Variants in USP1 observed in about 807,000 individuals in gnomAD.
The protein encoded by USP1 is ubiquitin carboxyl-terminal hydrolase 1.
A neutral mutation model predicts 72.2 loss-of-function variants in USP1; 18 were observed. The observed-to-expected ratio is 0.25, with a 90% CI of 0.17 to 0.37. The LOEUF (loss-of-function observed/expected upper bound fraction) is 0.37, where lower values mean the gene tolerates loss of function less well. USP1 is among the 10% of genes least tolerant of loss of function. USP1 has a pLI of 1.00. For synonymous variants in USP1, 354 were observed against 303.7 expected (o/e 1.17, Z -1.72); for missense variants, 759 against 884.9 (o/e 0.86, Z 1.81).
intron 5 of USP1, 79 bp from the exon 6 acceptor site, chr1:62,444,659 C>G (rs1645157340): frequency 5.4e-6 from 6 of 1,107,154 alleles, no homozygotes; most frequent in South Asian, 5.7e-5. Context: ...ATTTTCCTTA[C>G]ATGAATTAAT....
chr1:62,450,655 T>A lies in USP1; in HGVS notation c.2032T>A (p.Tyr678Asn), dbSNP rs768134813. Reference sequence around the variant, plus strand: ...TGGAGGACAAAAGAGCAAAGCAGATTATGAGCTATACAACAAAGCCTCTAA... The same window carrying A: ...TGGAGGACAAAAGAGCAAAGCAGATAATGAGCTATACAACAAAGCCTCTAA... ...LLGGQKSKADYELYNKASNPD... is the reference protein window; with the variant it reads ...LLGGQKSKADNELYNKASNPD... The change falls in exon 9 of 9, where the codon TAT becomes AAT. Residue 678 changes from tyrosine (Y) to asparagine (N), a missense_variant. Transcript: ENST00000339950. The A allele has an allele frequency of 6.5e-5, 105 of 1,613,970 alleles. No homozygotes were observed. Among genetic ancestry groups the A allele is most frequent in the South Asian group, 2.2e-5 (2 of 91,084 alleles).
chr1:62,449,123 A>G (rs918111783), intron 8 of USP1, among the ~76,000 whole-genome samples: 4 of 152,130 alleles, frequency 2.6e-5, no homozygotes, highest in Admixed American at 1.3e-4. Flanking sequence ...GACTCAAGCA[A>G]TCCACCTGCC....
At chr1:62,448,022 G>A (rs12746124) in intron 7 of USP1, among the ~76,000 whole-genome samples, 30,114 of 152,028 alleles carry the variant, frequency 0.2, 3,455 homozygotes, top group Non-Finnish European at 0.26. Context: ...TCCTGACCTC[G>A]TGATCCGCCC....
intron 8 of USP1, among the ~76,000 whole-genome samples, chr1:62,449,880 T>C (rs570320584): frequency 5.3e-4 from 81 of 151,514 alleles, no homozygotes; most frequent in Admixed American, 4.9e-3. Flanking sequence ...ACCACTGCAG[T>C]CAGCCTGGGT....
In USP1 at chr1:62,441,504, G is replaced by A. The variant is rs1182168994; in HGVS notation, c.187G>A (p.Ala63Thr). ...ATTTCATAGTGATCAAGTTGTTCCT[G>A]CAGCACAGTCTTCACCTATAAACTG... ...RASEIDQVVP[A>T]AQSSPINCEK... is the part of the protein sequence containing the mutation. Residue 63 changes from alanine to threonine, a missense_variant, in exon 3 of 9, where the codon GCA (alanine) becomes ACA (threonine). By Grantham distance (58) the Ala-to-Thr change is moderately conservative. Coordinates refer to ENST00000339950, the MANE Select transcript of USP1 (RefSeq NM_003368.5). The A allele has an allele frequency of 1.2e-6, 2 of 1,609,526 alleles. No individual in the cohort carries two copies. The highest frequency in any genetic ancestry group is 1.7e-6 in the Non-Finnish European group (2 of 1,178,684).
chr1:62,448,582 C>G lies in USP1; in HGVS notation c.1538C>G (p.Thr513Ser). The change falls in exon 8 of 9, where the codon ACT becomes AGT. Residue 513 changes from threonine (T) to serine (S), a missense_variant. This residue lies in a region of USP1 where 140 missense variants were observed against 222.8 expected (regional missense o/e 0.63). Coordinates refer to ENST00000339950, the MANE Select transcript of USP1 (RefSeq NM_003368.5). ...KYFCENCHHYTEAERSLLFDK... is the reference protein window; with the variant it reads ...KYFCENCHHYSEAERSLLFDK... ...TTCTGTGAAAACTGCCATCATTATA[C>G]TGAAGCTGAACGAAGTCTTTTGTTT... The G allele has an allele frequency of 6.2e-7, 1 of 1,613,906 alleles. No individual in the cohort carries two copies. The highest frequency in any genetic ancestry group is 8.5e-7 in the Non-Finnish European group (1 of 1,179,936).
rs1645163232 is a variant in USP1, at chr1:62,445,257, A to G, written c.1077A>G (p.Gly359=). 1 of 1,612,846 alleles carries G rather than the reference A, an allele frequency of 6.2e-7. No individual in the cohort carries two copies. Among genetic ancestry groups the G allele is most frequent in the Non-Finnish European group, 8.5e-7 (1 of 1,179,672 alleles). The part of the protein sequence containing the change: ...PSILSKFCSL[G]KITTNQGVKG... ...TTCTTTCTAAATTTTGTAGTCTGGG[A>G]AAAATAACAACAAACCAAGGAGTCA... Residue 359 remains glycine (G), a synonymous_variant, in exon 6 of 9, where the codon GGA becomes GGG. Coordinates refer to ENST00000339950, the MANE Select transcript of USP1 (RefSeq NM_003368.5).
chr1:62,450,130 T>G, intron 8 of USP1, 116 bp from the exon 9 acceptor site: 3 of 1,279,114 alleles, frequency 2.3e-6, no homozygotes, highest in Admixed American at 2.8e-5. Context: ...TTTTCTGATA[T>G]ATGAACACTG....
At chr1:62,439,118 T>C (rs1645114414) in intron 1 of USP1, among the ~76,000 whole-genome samples, 1 of 152,328 alleles carries the variant, frequency 6.6e-6, no homozygotes, top group East Asian at 1.9e-4. Context: ...TTTCCTACCT[T>C]GTACTTGAGA....
chr1:62,440,528 C>G (rs1571130022), intron 2 of USP1, among the ~76,000 whole-genome samples: 1 of 152,114 alleles, frequency 6.6e-6, no homozygotes, highest in African/African-American at 2.4e-5. Flanking sequence ...TATTTAGCTA[C>G]AGAAAATAAA....
rs912246001 is a variant in USP1 at position 62,451,722 on chromosome 1, TA to T, written c.*744del. 6.6e-6 allele frequency: 1 copy of T among 152,636 alleles called. No individual in the cohort carries two copies. Among genetic ancestry groups the T allele is most frequent in the Admixed American group, 6.5e-5 (1 of 15,282 alleles). The allele number at this position is 152,636 out of a possible 1,614,324, so 9.5% of individuals were successfully genotyped here. A position where few individuals can be genotyped will look rare whatever the true frequency, so the allele number is the denominator to read the frequency against. On this transcript the variant is annotated 3_prime_UTR_variant, in exon 9 of 9. Transcript: ENST00000339950. ...TAAAAACTGGGAGGTCAATAAAATTTAAACTGCTTAACTATGTATATGAATA... is the reference window on the plus strand; with the variant it reads ...TAAAAACTGGGAGGTCAATAAAATTTAACTGCTTAACTATGTATATGAATA...
intron 3 of USP1, among the ~76,000 whole-genome samples, chr1:62,441,923 C>T (rs888673867): frequency 7.2e-5 from 11 of 152,076 alleles, no homozygotes; most frequent in African/African-American, 2.4e-4. Flanking sequence ...GTAACGTTGG[C>T]ATTGTGTTGT....
chr1:62,450,504 G>C lies in USP1; in HGVS notation c.1881G>C (p.Leu627Phe), dbSNP rs1365454232. 6.2e-7 allele frequency: 1 copy of C among 1,614,046 alleles called. No homozygotes were observed. Among genetic ancestry groups the C allele is most frequent in the Non-Finnish European group, 8.5e-7 (1 of 1,180,000 alleles). ...GTGAAATAGGTAAGCCAGAACCATT[G>C]AATGAGGAGGAAGCAAGGGGTGTGG... ...QMCEIGKPEP[L>F]NEEEARGVVE... The change falls in exon 9 of 9, where the codon TTG (leucine) becomes TTC (phenylalanine). Residue 627 changes from leucine to phenylalanine, a missense_variant. Leu to Phe is a conservative substitution (Grantham distance 22, BLOSUM62 0). Transcript: ENST00000339950.
At chr1:62,444,268 AAAAAAAAAAAAAG>A (rs1479581287) in intron 5 of USP1, among the ~76,000 whole-genome samples, 1 of 141,100 alleles carries the variant, frequency 7.1e-6, no homozygotes, top group Non-Finnish European at 1.5e-5. Context: ...TCCAAAAAAA[AAAAAAAAAAAAAG>A]GCCATTGTAG....
At chr1:62,438,825 A>T (rs1645111038) in intron 1 of USP1, among the ~76,000 whole-genome samples, 1 of 152,230 alleles carries the variant, frequency 6.6e-6, no homozygotes, top group Non-Finnish European at 1.5e-5. Context: ...AAAGTTTTTT[A>T]AAAAGTTTGG....
intron 7 of USP1, among the ~76,000 whole-genome samples, chr1:62,447,989 T>C (rs1259612614): frequency 2.6e-5 from 4 of 152,150 alleles, no homozygotes; most frequent in Admixed American, 1.3e-4. Flanking sequence ...GGTTTCACCA[T>C]GTTAGCCAGG....
rs776145187 is a variant in USP1 at position 62,445,396 on chromosome 1, G to C, written c.1216G>C (p.Val406Leu). ...ATCTCCAGGAAATACTGTTACACCTGTAAATGTTAATGAAGTTAAACCCAT... is the reference window on the plus strand; with the variant it reads ...ATCTCCAGGAAATACTGTTACACCTCTAAATGTTAATGAAGTTAAACCCAT... ...LESPGNTVTPVNVNEVKPINK... is the reference protein window; with the variant it reads ...LESPGNTVTPLNVNEVKPINK... The change falls in exon 6 of 9, where the codon GTA becomes CTA. Residue 406 changes from valine to leucine, a missense_variant. By Grantham distance (32) the Val-to-Leu change is conservative. Transcript: ENST00000339950. 1 of 1,583,560 alleles carries C rather than the reference G, an allele frequency of 6.3e-7. No homozygotes were observed. Among genetic ancestry groups the C allele is most frequent in the African/African-American group, 1.4e-5 (1 of 73,336 alleles).
chr1:62,441,746 A>C (rs1446097250), intron 3 of USP1, 138 bp downstream of exon 3: 3 of 1,037,730 alleles, frequency 2.9e-6, no homozygotes, highest in Non-Finnish European at 4.0e-6. Flanking sequence ...GAATAGGCTA[A>C]AATAATAAGT....
In USP1 at chr1:62,448,710, G is replaced by A. The variant is rs1318174315; in HGVS notation, c.1622+44G>A. On this transcript the variant is annotated intron_variant, in intron 8 of 8. Transcript: ENST00000339950. ...AACTATATGAAGAAAATGAGCTGCT[G>A]TAGAAGATAAGTCTTGTTCAAAATG... 2.5e-6 allele frequency: 4 copies of A among 1,573,014 alleles called. No individual in the cohort carries two copies. In the East Asian group the frequency reaches 6.7e-5, roughly 27 times the overall value.
Sources: gnomAD v4.1 joint callset for allele counts (sites outside exome capture counted in the v4.1 genomes callset) on GRCh38, gnomAD v4.1.1 for gene constraint, gnomAD v4.1.1 regional missense constraint, MANE v1.5 for transcripts, NCBI Gene and HGNC (gene_info 2026-07-23, HGNC 2026-07-21) for gene names.